DOCK3: variants seen among roughly 807,000 people sequenced by gnomAD.
The protein encoded by DOCK3 is dedicator of cytokinesis 3, also known as dedicator of cytokinesis protein 3.
Under a neutral mutation model 265.6 loss-of-function variants are expected in DOCK3, and 60 were observed. The observed-to-expected ratio is 0.23, with a 90% CI of 0.18 to 0.28. DOCK3 has a LOEUF of 0.28. DOCK3 is among the 10% of genes least tolerant of loss of function. The pLI is 1.00. For synonymous variants in DOCK3, 881 were observed against 938.0 expected, an observed-to-expected ratio of 0.94 and a Z score of 1.11; for missense variants, 1,981 against 2,594.3, an observed-to-expected ratio of 0.76 and a Z score of 5.14.
At chr3:50,946,028 G>T (rs1361826088) in intron 5 of DOCK3, among the ~76,000 whole-genome samples, 1 of 148,332 alleles carries the variant, frequency 6.7e-6, no homozygotes, top group African/African-American at 2.5e-5. Context: ...GGAGTTTAAG[G>T]CTGCTGTGAG....
intron 3 of DOCK3, among the ~76,000 whole-genome samples, chr3:50,880,021 C>G (rs987721159): frequency 9.2e-5 from 14 of 152,214 alleles, no homozygotes; most frequent in Non-Finnish European, 2.9e-5. Context: ...CAACCTGCTC[C>G]TGAATGACTG....
chr3:50,917,698 A>G (rs969553847), intron 4 of DOCK3, among the ~76,000 whole-genome samples: 15 of 148,902 alleles, frequency 1.0e-4, no homozygotes, highest in African/African-American at 3.7e-4. Flanking sequence ...TATCTCATTA[A>G]TTTTTTTCAG....
chr3:51,202,681 A>T (rs996479636), intron 12 of DOCK3, among the ~76,000 whole-genome samples: 8 of 152,186 alleles, frequency 5.3e-5, no homozygotes, highest in Non-Finnish European at 1.0e-4. Context: ...GGCCAGCATC[A>T]TCCGGATACC....
intron 49 of DOCK3, among the ~76,000 whole-genome samples, chr3:51,369,392 T>C (rs2087504669): frequency 6.6e-6 from 1 of 152,180 alleles, no homozygotes; most frequent in Non-Finnish European, 1.5e-5. Context: ...AGTGACGTGA[T>C]GCATGCACAA....
intron 48 of DOCK3, 132 bp downstream of exon 48, chr3:51,362,129 C>G (rs2086784259): frequency 8.3e-7 from 1 of 1,202,158 alleles, no homozygotes; most frequent in South Asian, 1.6e-5. Context: ...ACACCCCTCA[C>G]CAGAGCTAGA....
chr3:51,359,351 A>C lies in DOCK3; in HGVS notation c.4885-1160A>C, dbSNP rs73837437. Among the ~76,000 whole-genome samples, 5,551 of 152,366 alleles carry C rather than the reference A, an allele frequency of 0.036. 175 individuals carry two copies. Among genetic ancestry groups the C allele is most frequent in the African/African-American group, 0.085 (3,548 of 41,584 alleles). On this transcript the variant is annotated intron_variant, in intron 46 of 52. Coordinates refer to ENST00000266037, the MANE Select transcript of DOCK3 (RefSeq NM_004947.5). This position sits in a 1 kb window ranked among gnomAD's most constrained non-coding sequence, Gnocchi z 4.8. The stretch of plus-strand genomic sequence containing the variant: ...TTTGAGAGGTAGGGGCACATTTTCC[A>C]GAGGAAAGCCTGGAGATCCTGAAAT...
chr3:51,214,030 A>G, intron 13 of DOCK3, 92 bp from the exon 14 acceptor site: 1 of 1,558,086 alleles, frequency 6.4e-7, no homozygotes, highest in Admixed American at 1.9e-5. Context: ...TGAACTTTGC[A>G]CATTTTCTTC....
chr3:51,251,713 G>T (rs1215238426), intron 22 of DOCK3, among the ~76,000 whole-genome samples: 2 of 151,798 alleles, frequency 1.3e-5, no homozygotes, highest in Admixed American at 6.6e-5. Flanking sequence ...CTTTTTGATG[G>T]TTTTTTCTTG....
chr3:51,376,101 C>T (rs1029127868), intron 51 of DOCK3, among the ~76,000 whole-genome samples: 2 of 152,194 alleles, frequency 1.3e-5, no homozygotes, highest in African/African-American at 4.8e-5. Context: ...TTTATGGAAA[C>T]TTGGGCTTCT....
At chr3:51,249,568 G>T (rs200729815) in intron 22 of DOCK3, among the ~76,000 whole-genome samples, 1 of 59,030 alleles carries the variant, frequency 1.7e-5, no homozygotes, top group Admixed American at 1.4e-4. Context: ...TCAGCCCCCC[G>T]CCCGGCCAGC....
chr3:51,101,810 TCTA>T (rs2083101745), intron 9 of DOCK3, among the ~76,000 whole-genome samples: 1 of 152,206 alleles, frequency 6.6e-6, no homozygotes, highest in Non-Finnish European at 1.5e-5. Flanking sequence ...TTCTCCCATT[TCTA>T]CTCCTGCCTC....
rs150512830 is a variant in DOCK3 at position 50,890,092 on chromosome 3, G to C, written c.218+11G>C. On this transcript the variant is annotated intron_variant, in intron 4 of 52. Coordinates refer to ENST00000266037, the MANE Select transcript of DOCK3 (RefSeq NM_004947.5). The stretch of plus-strand genomic sequence containing the variant: ...TGTCAGTAATAGGGGGTGAGTAATT[G>C]GCCTTACTAAATTTATGTACAATTT... 540 of 1,425,766 alleles carry C rather than the reference G, an allele frequency of 3.8e-4. 8 individuals carry two copies. In the East Asian group the frequency reaches 0.016, roughly 41 times the overall value. The allele number at this position is 1,425,766 out of a possible 1,614,324, so 88.3% of individuals were successfully genotyped here. A position where few individuals can be genotyped will look rare whatever the true frequency, so the allele number is the denominator to read the frequency against.
chr3:50,736,081 TG>T (rs773965847), intron 1 of DOCK3, among the ~76,000 whole-genome samples: 3 of 152,164 alleles, frequency 2.0e-5, no homozygotes, highest in Non-Finnish European at 4.4e-5. Context: ...CCCTGGTGTG[TG>T]ATGTTCCCTT....
chr3:51,086,432 T>G (rs1478755943), intron 7 of DOCK3, among the ~76,000 whole-genome samples: 1 of 152,146 alleles, frequency 6.6e-6, no homozygotes, highest in Non-Finnish European at 1.5e-5. Context: ...TATGGCCAGA[T>G]TTTAGGGTGT....
chr3:50,740,605 A>G (rs751565513), intron 1 of DOCK3, among the ~76,000 whole-genome samples: 1 of 152,112 alleles, frequency 6.6e-6, no homozygotes, highest in East Asian at 1.9e-4. Context: ...TAATTTGTAT[A>G]TTGAGAATCC....
intron 3 of DOCK3, among the ~76,000 whole-genome samples, chr3:50,888,225 CAGAG>C (rs1266657163): frequency 6.6e-6 from 1 of 151,956 alleles, no homozygotes; most frequent in Non-Finnish European, 1.5e-5. Context: ...AACAGACAAA[CAGAG>C]AGCCAAATCA....
intron 1 of DOCK3, among the ~76,000 whole-genome samples, chr3:50,765,887 T>A (rs2040842393): frequency 6.6e-6 from 1 of 152,176 alleles, no homozygotes; most frequent in Admixed American, 6.6e-5. Context: ...TGCAACTTTG[T>A]TTGACCAAAC....
chr3:50,769,790 C>T (rs1393652951), intron 1 of DOCK3, among the ~76,000 whole-genome samples: 7 of 122,948 alleles, frequency 5.7e-5, no homozygotes, highest in South Asian at 5.3e-4. Flanking sequence ...CCAGCCTGGG[C>T]GATAGAGCAA....
At chr3:51,267,998 G>A (rs1213070606) in intron 23 of DOCK3, among the ~76,000 whole-genome samples, 2 of 152,088 alleles carry the variant, frequency 1.3e-5, no homozygotes, top group African/African-American at 4.8e-5. Context: ...TTGGGGGTCG[G>A]GGGACTAGGG....
Sources: gnomAD v4.1 joint callset for allele counts (sites outside exome capture counted in the v4.1 genomes callset) on GRCh38, gnomAD v4.1.1 for gene constraint, Gnocchi (gnomAD v3.1) non-coding constraint, MANE v1.5 for transcripts, NCBI Gene and HGNC (gene_info 2026-07-23, HGNC 2026-07-21) for gene names.